Variants in CA8 observed in about 807,000 individuals in gnomAD.
The protein encoded by CA8 is carbonic anhydrase 8 (inactive).
Under a neutral mutation model 41.4 loss-of-function variants are expected in CA8, and 22 were observed. The observed-to-expected ratio is 0.53, with a 90% CI of 0.38 to 0.76. The LOEUF (loss-of-function observed/expected upper bound fraction) is 0.76. Ranked by LOEUF, CA8 falls within the 30% of genes least tolerant of loss-of-function variation. CA8 has a pLI of 0.00. For synonymous variants in CA8, 121 were observed against 130.6 expected, an observed-to-expected ratio of 0.93 and a Z score of 0.50; for missense variants, 270 against 352.8, an observed-to-expected ratio of 0.77 and a Z score of 1.88.
Position 60,262,346 on chromosome 8 carries a change from A to AAG in CA8, c.417+3578_417+3579insCT, listed in dbSNP as rs1415444339. Reference sequence around the variant, plus strand: ...TGTTAGCAAAATGGCAAAAAAAAAAAAAAAAAAATCATATAGCATTAAAGT... The same window carrying AAG: ...TGTTAGCAAAATGGCAAAAAAAAAAAAGAAAAAAAATCATATAGCATTAAAGT... On this transcript the variant is annotated intron_variant, in intron 3 of 8. Coordinates refer to ENST00000317995, the MANE Select transcript of CA8 (RefSeq NM_004056.6). 2.9e-3 allele frequency among the ~76,000 whole-genome samples: 443 copies of AAG among 152,122 alleles called. 1 individual carries two copies. The highest frequency in any genetic ancestry group is 0.01 in the African/African-American group (420 of 41,452).
At chr8:60,244,894 G>A (rs1043900778) in intron 3 of CA8, among the ~76,000 whole-genome samples, 2 of 152,156 alleles carry the variant, frequency 1.3e-5, no homozygotes, top group African/African-American at 4.8e-5. Context: ...ATAGGGGAAG[G>A]GGTACAGTGT....
intron 7 of CA8, among the ~76,000 whole-genome samples, chr8:60,219,942 A>AAAAC (rs1563351172): frequency 1.5e-5 from 2 of 133,640 alleles, no homozygotes; most frequent in South Asian, 4.9e-4. Context: ...AAAAAAAAAA[A>AAAAC]AAAAAAAAAA....
intron 8 of CA8, among the ~76,000 whole-genome samples, chr8:60,200,724 AATAACTAACCACCAC>A (rs1806399058): frequency 1.4e-5 from 2 of 146,324 alleles, no homozygotes; most frequent in East Asian, 3.9e-4. Context: ...TGTGGATGAC[AATAACTAACCACCAC>A]AATCCTCCCC....
chr8:60,191,531 A>G (rs1191851790), intron 8 of CA8, among the ~76,000 whole-genome samples: 1 of 152,126 alleles, frequency 6.6e-6, no homozygotes, highest in African/African-American at 2.4e-5. Flanking sequence ...TTTAATTCAA[A>G]GCCATTTCAG....
chr8:60,230,587 C>T (rs1303515187), intron 4 of CA8, among the ~76,000 whole-genome samples: 1 of 151,870 alleles, frequency 6.6e-6, no homozygotes, highest in African/African-American at 2.4e-5. Context: ...CTCCCTTCCC[C>T]TCTCCTTCCC....
chr8:60,253,964 G>A (rs1283716865), intron 3 of CA8, among the ~76,000 whole-genome samples: 1 of 152,158 alleles, frequency 6.6e-6, no homozygotes, highest in African/African-American at 2.4e-5. Flanking sequence ...CCATGGGAAT[G>A]TGAACTGTGG....
At chr8:60,272,420 G>T (rs1585933864) in intron 2 of CA8, among the ~76,000 whole-genome samples, 1 of 151,176 alleles carries the variant, frequency 6.6e-6, no homozygotes, top group East Asian at 1.9e-4. Context: ...CTACTCTTTA[G>T]CCTCTGTGCA....
chr8:60,220,868 G>T (rs1807220306), intron 7 of CA8, among the ~76,000 whole-genome samples: 1 of 152,288 alleles, frequency 6.6e-6, no homozygotes, highest in South Asian at 2.1e-4. Flanking sequence ...GCCCTCAAAA[G>T]ATCCCTGTTG....
intron 2 of CA8, among the ~76,000 whole-genome samples, chr8:60,270,111 C>T (rs1262671677): frequency 3.9e-5 from 6 of 152,340 alleles, no homozygotes; most frequent in South Asian, 2.1e-4. Flanking sequence ...CCTATGCTTA[C>T]GAGCTGGGAT....
At chr8:60,228,421 G>C (rs997153298) in intron 4 of CA8, among the ~76,000 whole-genome samples, 3 of 152,158 alleles carry the variant, frequency 2.0e-5, no homozygotes, top group African/African-American at 7.2e-5. Flanking sequence ...GGAGGCCTAC[G>C]TCTGCACTTG....
At chr8:60,269,538 C>T (rs953483913) in intron 2 of CA8, among the ~76,000 whole-genome samples, 3 of 152,182 alleles carry the variant, frequency 2.0e-5, no homozygotes, top group Non-Finnish European at 2.9e-5. Context: ...TAAACAAGAG[C>T]TCCCTGAGGA....
intron 3 of CA8, among the ~76,000 whole-genome samples, chr8:60,251,980 A>G (rs926412327): frequency 3.3e-5 from 5 of 152,222 alleles, no homozygotes; most frequent in Non-Finnish European, 7.3e-5. Context: ...ACTGGCTTTC[A>G]CATCAATAAG....
intron 2 of CA8, among the ~76,000 whole-genome samples, chr8:60,270,646 C>T (rs140286921): frequency 0.034 from 5,134 of 152,248 alleles, 283 homozygotes; most frequent in African/African-American, 0.11. Context: ...CAACTCCTGA[C>T]CTCAAGTGAG....
chr8:60,218,541 A>G (rs930229601), intron 7 of CA8, among the ~76,000 whole-genome samples: 6 of 152,190 alleles, frequency 3.9e-5, no homozygotes, highest in Non-Finnish European at 7.3e-5. Flanking sequence ...AAAAGGATAA[A>G]AAAAAGGAAG....
intron 5 of CA8, 52 bp from the exon 6 acceptor site, chr8:60,224,637 TAGAA>T: frequency 1.7e-6 from 2 of 1,158,148 alleles, no homozygotes; most frequent in Non-Finnish European, 1.3e-6. Flanking sequence ...TTCTAGATTT[TAGAA>T]TAAAAAATCT....
At chr8:60,262,119 C>T (rs988563676) in intron 3 of CA8, among the ~76,000 whole-genome samples, 5 of 152,078 alleles carry the variant, frequency 3.3e-5, no homozygotes, top group Non-Finnish European at 7.4e-5. Context: ...TCCTAATTTA[C>T]CAAAAATTAC....
chr8:60,273,991 C>T (rs192069234), intron 2 of CA8, among the ~76,000 whole-genome samples: 1 of 152,152 alleles, frequency 6.6e-6, no homozygotes, highest in Non-Finnish European at 1.5e-5. Context: ...CTGTTCTAAA[C>T]CTTTTTGGCA....
chr8:60,280,980 A>G, intron 1 of CA8, 68 bp downstream of exon 1: 1 of 1,155,992 alleles, frequency 8.7e-7, no homozygotes, highest in East Asian at 2.3e-5. Context: ...GCAGGACTCG[A>G]GTCCCGCGCT....
intron 8 of CA8, among the ~76,000 whole-genome samples, chr8:60,193,410 T>C (rs1392297810): frequency 1.3e-5 from 2 of 152,210 alleles, no homozygotes; most frequent in African/African-American, 4.8e-5. Context: ...TTTTTCTCCT[T>C]TGCTGGCTCT....
Sources: allele counts gnomAD v4.1 joint callset (sites outside exome capture counted in the v4.1 genomes callset), GRCh38; gene constraint gnomAD v4.1.1; transcripts MANE v1.5; gene names NCBI Gene and HGNC (gene_info 2026-07-23, HGNC 2026-07-21).